CDKAL1: variants seen among roughly 807,000 people sequenced by gnomAD.
The protein encoded by CDKAL1 is CDKAL1 threonylcarbamoyladenosine tRNA methylthiotransferase.
CDKAL1 carries 32 observed loss-of-function variants against 68.2 expected under a neutral mutation model. That is an observed-to-expected ratio of 0.47 (90% confidence interval 0.35 to 0.63). The LOEUF is 0.63. Ranked by LOEUF, CDKAL1 falls within the 30% of genes least tolerant of loss-of-function variation. CDKAL1 has a pLI of 0.00. For missense variants in CDKAL1, 606 were observed against 696.7 expected, an observed-to-expected ratio of 0.87 and a Z score of 1.47; for synonymous variants, 234 against 244.3, an observed-to-expected ratio of 0.96 and a Z score of 0.39.
At chr6:20,914,703 T>A (rs2030082) in intron 9 of CDKAL1, among the ~76,000 whole-genome samples, 145,986 of 152,320 alleles carry the variant, frequency 0.96, 69,968 homozygotes, top group East Asian at 1. Context: ...GTAAGTTTTT[T>A]AAAATTTTTG....
At chr6:20,914,623 G>A (rs534825357) in intron 9 of CDKAL1, among the ~76,000 whole-genome samples, 10 of 152,284 alleles carry the variant, frequency 6.6e-5, no homozygotes, top group Non-Finnish European at 1.5e-4. Context: ...ATTTGTGAAT[G>A]TCTTTATGGC....
At chr6:20,613,674 A>G (rs1766754442) in intron 4 of CDKAL1, among the ~76,000 whole-genome samples, 1 of 148,984 alleles carries the variant, frequency 6.7e-6, no homozygotes, top group East Asian at 1.9e-4. Context: ...TTTATATATA[A>G]TATATATTAT....
chr6:20,751,378 T>G (rs1581507135), intron 6 of CDKAL1, among the ~76,000 whole-genome samples: 1 of 152,186 alleles, frequency 6.6e-6, no homozygotes, highest in South Asian at 2.1e-4. Context: ...GTGGCTGCAG[T>G]AGCCACATTT....
intron 10 of CDKAL1, among the ~76,000 whole-genome samples, chr6:20,979,032 T>G (rs974133765): frequency 1.3e-5 from 2 of 152,224 alleles, no homozygotes; most frequent in Non-Finnish European, 2.9e-5. Context: ...GAAAAATTAC[T>G]TTTGGTTAAC....
chr6:20,896,130 C>T (rs375662844), intron 9 of CDKAL1, among the ~76,000 whole-genome samples: 217 of 98,152 alleles, frequency 2.2e-3, no homozygotes, highest in African/African-American at 8.2e-3. Context: ...GAGATGGAGT[C>T]TTGCTCTGTT....
At chr6:21,059,446 G>C (rs1771019466) in intron 11 of CDKAL1, among the ~76,000 whole-genome samples, 1 of 152,202 alleles carries the variant, frequency 6.6e-6, no homozygotes, top group African/African-American at 2.4e-5. Flanking sequence ...GGCTCACAGG[G>C]GGATCTACTG....
intron 11 of CDKAL1, among the ~76,000 whole-genome samples, chr6:21,023,065 C>T (rs142412136): frequency 1.3e-3 from 199 of 151,798 alleles, no homozygotes; most frequent in African/African-American, 4.6e-3. Context: ...GTAGGAAAAA[C>T]ATTAGCAGTT....
chr6:21,078,241 G>A (rs1304215862), intron 12 of CDKAL1, among the ~76,000 whole-genome samples: 4 of 152,044 alleles, frequency 2.6e-5, no homozygotes, highest in African/African-American at 4.8e-5. Context: ...CTGGCTTTTC[G>A]AGACAGCTAA....
chr6:20,610,751 G>A (rs999944790), intron 4 of CDKAL1, among the ~76,000 whole-genome samples: 4 of 152,098 alleles, frequency 2.6e-5, no homozygotes, highest in Non-Finnish European at 5.9e-5. Flanking sequence ...TTCTACTTTA[G>A]GCTAGAATCT....
intron 5 of CDKAL1, among the ~76,000 whole-genome samples, chr6:20,653,051 G>A (rs1393272069): frequency 7.2e-5 from 11 of 152,078 alleles, no homozygotes; most frequent in Non-Finnish European, 1.2e-4. Flanking sequence ...TCAGCATTAC[G>A]CTTTGAGATT....
In CDKAL1 at chr6:20,761,950, A is replaced by G. The variant is rs563230364; in HGVS notation, c.517+3307A>G. 7.2e-5 allele frequency among the ~76,000 whole-genome samples: 11 copies of G among 152,294 alleles called. No homozygotes were observed. The East Asian group carries it at 1.4e-3, about 19-fold the overall frequency. ...GAAAATGATGTGTCAGTGTAGGTTC[A>G]TTGATTGTAACAAACGTACCACTCT... is the stretch of plus-strand genomic sequence containing the variant. On this transcript the variant is annotated intron_variant, in intron 7 of 15. Transcript: ENST00000274695.
intron 13 of CDKAL1, among the ~76,000 whole-genome samples, chr6:21,163,066 A>G (rs1369820042): frequency 6.6e-6 from 1 of 152,220 alleles, no homozygotes; most frequent in Admixed American, 6.5e-5. Flanking sequence ...AGTGAGGCCA[A>G]CTGGGACAGA....
chr6:21,068,990 G>A (rs1289793189), intron 12 of CDKAL1, among the ~76,000 whole-genome samples: 1 of 151,992 alleles, frequency 6.6e-6, no homozygotes, highest in Non-Finnish European at 1.5e-5. Flanking sequence ...CATTTTTGTT[G>A]CTACTTAGAA....
intron 8 of CDKAL1, among the ~76,000 whole-genome samples, chr6:20,837,357 C>G (rs894143583): frequency 6.6e-6 from 1 of 152,124 alleles, no homozygotes; most frequent in East Asian, 1.9e-4. Flanking sequence ...ATCCCAGGCG[C>G]CAAAATATGG....
chr6:20,888,424 G>C (rs1761200920), intron 9 of CDKAL1, among the ~76,000 whole-genome samples: 2 of 147,492 alleles, frequency 1.4e-5, no homozygotes, highest in African/African-American at 5.0e-5. Context: ...CAATGTGCAG[G>C]TTTGTTACAT....
intron 13 of CDKAL1, among the ~76,000 whole-genome samples, chr6:21,168,853 C>G (rs1777256276): frequency 6.6e-6 from 1 of 152,190 alleles, no homozygotes; most frequent in South Asian, 2.1e-4. Context: ...CTGTTTCTCT[C>G]TCTCCCTCAT....
chr6:21,150,008 C>G (rs939609373), intron 13 of CDKAL1, among the ~76,000 whole-genome samples: 6 of 152,132 alleles, frequency 3.9e-5, no homozygotes, highest in African/African-American at 1.4e-4. Context: ...CAGGCGCCCA[C>G]CACCACACCC....
chr6:20,657,860 A>G (rs1161809913), intron 5 of CDKAL1, among the ~76,000 whole-genome samples: 1 of 152,138 alleles, frequency 6.6e-6, no homozygotes, highest in Non-Finnish European at 1.5e-5. Flanking sequence ...GCCCTTACTA[A>G]TTTAGAAAGA....
intron 6 of CDKAL1, among the ~76,000 whole-genome samples, chr6:20,752,451 T>G (rs1773967153): frequency 6.6e-6 from 1 of 152,122 alleles, no homozygotes; most frequent in African/African-American, 2.4e-5. Context: ...GGTCTCCATC[T>G]TCATCAGGCC....
Sources: allele counts gnomAD v4.1 joint callset (sites outside exome capture counted in the v4.1 genomes callset), GRCh38; gene constraint gnomAD v4.1.1; transcripts MANE v1.5; gene names NCBI Gene and HGNC (gene_info 2026-07-23, HGNC 2026-07-21).